Variants in IRAK1BP1 observed in about 807,000 individuals in gnomAD.
The protein encoded by IRAK1BP1 is interleukin 1 receptor associated kinase 1 binding protein 1, also known as interleukin-1 receptor-associated kinase 1-binding protein 1.
In IRAK1BP1, 24 loss-of-function variants were observed where a neutral mutation model predicts 28.0. The observed-to-expected ratio is 0.86, with a 90% CI of 0.62 to 1.20. The LOEUF (loss-of-function observed/expected upper bound fraction) is 1.20. Among genes scored for constraint, IRAK1BP1 ranks in the 50% most tolerant of loss-of-function variants. The probability of loss-of-function intolerance (pLI) is 0.00; values close to 1 mark genes in which losing one functional copy is unlikely to be tolerated. For missense variants in IRAK1BP1, 336 were observed against 316.7 expected, an observed-to-expected ratio of 1.06 and a Z score of -0.46; for synonymous variants, 131 against 116.3, an observed-to-expected ratio of 1.13 and a Z score of -0.81.
At chr6:78,896,153 T>C (rs1050000718) in intron 2 of IRAK1BP1, among the ~76,000 whole-genome samples, 1 of 152,172 alleles carries the variant, frequency 6.6e-6, no homozygotes, top group African/African-American at 2.4e-5. Flanking sequence ...ATTCCAGATA[T>C]CAGTTCTCCC....
At chr6:78,967,577 C>T in the IRAK1BP1 span, among the ~76,000 whole-genome samples, 3 of 152,104 alleles carry the variant, frequency 2.0e-5, no homozygotes, top group Non-Finnish European at 4.4e-5. Context: ...TTTTAAATGG[C>T]AGTCGGTGGG....
chr6:78,913,631 C>T (rs911845338), intron 4 of IRAK1BP1, among the ~76,000 whole-genome samples: 1 of 151,998 alleles, frequency 6.6e-6, no homozygotes, highest in African/African-American at 2.4e-5. Context: ...GGTGATAGAG[C>T]GAGACTCTGT....
chr6:78,906,810 G>A (rs1158435175), downstream of IRAK1BP1, among the ~76,000 whole-genome samples: 1 of 152,058 alleles, frequency 6.6e-6, no homozygotes, highest in Non-Finnish European at 1.5e-5. Flanking sequence ...ATGGTAAAAT[G>A]TGCACGTGTC....
intron 2 of IRAK1BP1, among the ~76,000 whole-genome samples, chr6:78,890,378 G>A (rs1359108499): frequency 2.0e-5 from 3 of 150,298 alleles, no homozygotes; most frequent in Middle Eastern, 6.5e-3. Flanking sequence ...CAACCTGCAC[G>A]TTCTGCACAT....
intron 1 of IRAK1BP1, among the ~76,000 whole-genome samples, chr6:78,874,223 A>T (rs1436159949): frequency 6.6e-6 from 1 of 152,236 alleles, no homozygotes; most frequent in Non-Finnish European, 1.5e-5. Context: ...GAGAAATGCC[A>T]GACCAATTAG....
intron 1 of IRAK1BP1, among the ~76,000 whole-genome samples, chr6:78,873,737 C>G (rs992874253): frequency 6.6e-6 from 1 of 152,150 alleles, no homozygotes; most frequent in African/African-American, 2.4e-5. Context: ...TCCTGAAGCA[C>G]TGGAATGCCA....
chr6:78,964,088 T>C, the IRAK1BP1 span, among the ~76,000 whole-genome samples: 1 of 152,294 alleles, frequency 6.6e-6, no homozygotes, highest in Admixed American at 6.5e-5. Flanking sequence ...TTCACAACAG[T>C]TCAATGTGAG....
rs1412134516 is a variant in IRAK1BP1 at position 78,898,258 on chromosome 6, C to G, written c.707C>G (p.Ala236Gly). ...ACTGTACAACAAAAAATCAAAAGTG[C>G]AACAATACATGCTGCTTCAAAAGTA... ...SLTVQQKIKS[A>G]TIHAASKVFI... Residue 236 changes from alanine (A) to glycine (G), a missense_variant, in exon 4 of 4, where the codon GCA (alanine) becomes GGA (glycine). Ala to Gly is a moderately conservative substitution (Grantham distance 60). Coordinates refer to ENST00000369940, the MANE Select transcript of IRAK1BP1 (RefSeq NM_001010844.4). The G allele has an allele frequency of 6.2e-7, 1 of 1,612,452 alleles. No homozygotes were observed. Among genetic ancestry groups the G allele is most frequent in the East Asian group, 2.2e-5 (1 of 44,818 alleles).
chr6:78,914,854 T>C (rs575478414), intron 4 of IRAK1BP1, among the ~76,000 whole-genome samples: 1 of 152,342 alleles, frequency 6.6e-6, no homozygotes, highest in Admixed American at 6.5e-5. Flanking sequence ...GGAGTCTTGC[T>C]CTATCACCCG....
intron 2 of IRAK1BP1, among the ~76,000 whole-genome samples, chr6:78,892,850 T>A (rs906670170): frequency 6.6e-6 from 1 of 152,024 alleles, no homozygotes. Flanking sequence ...CCTGAAAATG[T>A]AGCAATAAAA....
the IRAK1BP1 span, among the ~76,000 whole-genome samples, chr6:78,960,159 A>G: frequency 1.3e-5 from 2 of 152,188 alleles, no homozygotes; most frequent in East Asian, 3.8e-4. Context: ...TATCCCTTTC[A>G]TATCACTGTA....
chr6:78,934,800 C>T (rs1454334592), intron 4 of IRAK1BP1, among the ~76,000 whole-genome samples: 1 of 152,200 alleles, frequency 6.6e-6, no homozygotes, highest in Non-Finnish European at 1.5e-5. Flanking sequence ...GGTTCCTCTA[C>T]TTCCTGTCAG....
At chr6:78,953,530 A>G in the IRAK1BP1 span, among the ~76,000 whole-genome samples, 2 of 152,250 alleles carry the variant, frequency 1.3e-5, no homozygotes, top group African/African-American at 4.8e-5. Flanking sequence ...AATGAAAGCC[A>G]GAACATTATA....
exon 5 of IRAK1BP1, chr6:78,945,551 G>C: frequency 3.6e-6 from 4 of 1,096,640 alleles, no homozygotes; most frequent in East Asian, 2.6e-5. Flanking sequence ...CTAAAGATAA[G>C]AAAAAAGGTT....
chr6:78,941,304 G>T, intron 4 of IRAK1BP1: 1 of 1,613,038 alleles, frequency 6.2e-7, no homozygotes, highest in South Asian at 1.1e-5. Context: ...ATGGTTCCTG[G>T]TACAAGAGCG....
At chr6:78,872,467 A>G (rs1770826830) in intron 1 of IRAK1BP1, among the ~76,000 whole-genome samples, 1 of 152,216 alleles carries the variant, frequency 6.6e-6, no homozygotes, top group Non-Finnish European at 1.5e-5. Flanking sequence ...CCTTAATTAC[A>G]GGTTAAGCAT....
intron 2 of IRAK1BP1, among the ~76,000 whole-genome samples, chr6:78,895,056 C>G (rs1021768654): frequency 6.6e-6 from 1 of 150,836 alleles, no homozygotes; most frequent in Non-Finnish European, 1.5e-5. Flanking sequence ...TGCAGTGAGC[C>G]GAGATCGTGC....
chr6:78,943,534 T>C (rs1773619720), intron 4 of IRAK1BP1, among the ~76,000 whole-genome samples: 1 of 152,206 alleles, frequency 6.6e-6, no homozygotes, highest in Admixed American at 6.5e-5. Context: ...AGCATTTTGG[T>C]TATTCAAACA....
intron 4 of IRAK1BP1, among the ~76,000 whole-genome samples, chr6:78,927,420 G>A (rs1772919986): frequency 6.6e-6 from 1 of 151,820 alleles, no homozygotes; most frequent in Non-Finnish European, 1.5e-5. Context: ...AAAGGTGTTT[G>A]AGCTCCTGGT....
Sources: allele counts gnomAD v4.1 joint callset (sites outside exome capture counted in the v4.1 genomes callset), GRCh38; gene constraint gnomAD v4.1.1; transcripts MANE v1.5; gene names NCBI Gene and HGNC (gene_info 2026-07-23, HGNC 2026-07-21).